The following GPC6 variants were observed in gnomAD, a reference collection of about 807,000 sequenced individuals.
GPC6 encodes glypican-6.
In GPC6, 14 loss-of-function variants were observed where a neutral mutation model predicts 55.2. That is an observed-to-expected ratio of 0.25 (90% CI 0.17 to 0.40). GPC6 has a LOEUF of 0.40. Among genes scored for constraint, GPC6 ranks in the 10% least tolerant of loss-of-function variants. The pLI, the probability that GPC6 is intolerant of heterozygous loss-of-function variation, is 1.00. For synonymous variants in GPC6, 278 were observed against 259.6 expected, an observed-to-expected ratio of 1.07 and a Z score of -0.68; for missense variants, 641 against 708.5, an observed-to-expected ratio of 0.90 and a Z score of 1.08.
At chr13:93,977,335 T>C (rs1880563687) in intron 3 of GPC6, among the ~76,000 whole-genome samples, 1 of 152,208 alleles carries the variant, frequency 6.6e-6, no homozygotes. Context: ...ATGGGTTTCA[T>C]TGCCAGATTA....
At chr13:94,118,864 C>T (rs1443161232) in intron 4 of GPC6, among the ~76,000 whole-genome samples, 1 of 152,040 alleles carries the variant, frequency 6.6e-6, no homozygotes, top group Non-Finnish European at 1.5e-5. Context: ...CTGTGCTTTA[C>T]TTCTGCTTCA....
chr13:93,488,239 G>A (rs572581014), intron 1 of GPC6, among the ~76,000 whole-genome samples: 3 of 151,998 alleles, frequency 2.0e-5, no homozygotes, highest in African/African-American at 4.8e-5. Flanking sequence ...TTGTCCTTGC[G>A]ATAGTTTGCT....
intron 4 of GPC6, among the ~76,000 whole-genome samples, chr13:94,199,183 C>T (rs1034137609): frequency 1.5e-4 from 23 of 152,182 alleles, no homozygotes; most frequent in African/African-American, 5.3e-4. Flanking sequence ...TTTACTAGGC[C>T]TAATATCCTA....
At chr13:93,729,654 T>C (rs183614409) in intron 2 of GPC6, among the ~76,000 whole-genome samples, 3 of 152,246 alleles carry the variant, frequency 2.0e-5, no homozygotes, top group African/African-American at 7.2e-5. Context: ...TGGGAAACTA[T>C]TGGACAGGAT....
At chr13:93,901,499 A>G (rs551701481) in intron 3 of GPC6, among the ~76,000 whole-genome samples, 4 of 152,306 alleles carry the variant, frequency 2.6e-5, no homozygotes, top group Admixed American at 2.6e-4. Context: ...CAGTATTTTT[A>G]ATACTGATTT....
At chr13:94,233,144 A>G (rs1420726209) in intron 4 of GPC6, among the ~76,000 whole-genome samples, 1 of 151,978 alleles carries the variant, frequency 6.6e-6, no homozygotes, top group African/African-American at 2.4e-5. Flanking sequence ...AAAAACTTGT[A>G]GGGAAACAAA....
chr13:93,762,427 C>T (rs534071301), intron 2 of GPC6, among the ~76,000 whole-genome samples: 1 of 152,248 alleles, frequency 6.6e-6, no homozygotes, highest in African/African-American at 2.4e-5. Context: ...TTATATGAAT[C>T]AATAAATGCT....
At chr13:94,272,474 T>C (rs1367986539) in intron 4 of GPC6, among the ~76,000 whole-genome samples, 35 of 135,948 alleles carry the variant, frequency 2.6e-4, no homozygotes, top group African/African-American at 9.9e-4. Context: ...TTTTTTTTTT[T>C]TTTTTTTTTT....
At chr13:94,202,653 T>C (rs1889789796) in intron 4 of GPC6, among the ~76,000 whole-genome samples, 1 of 152,094 alleles carries the variant, frequency 6.6e-6, no homozygotes, top group African/African-American at 2.4e-5. Context: ...CTGAACCATA[T>C]CAGTGCAAGA....
intron 1 of GPC6, among the ~76,000 whole-genome samples, chr13:93,237,944 T>G (rs1378761357): frequency 6.6e-6 from 1 of 152,224 alleles, no homozygotes; most frequent in African/African-American, 2.4e-5. Context: ...TTTACACTAT[T>G]ACCATGCTAT....
intron 4 of GPC6, among the ~76,000 whole-genome samples, chr13:94,142,561 T>C (rs1461241611): frequency 6.6e-6 from 1 of 152,180 alleles, no homozygotes; most frequent in Non-Finnish European, 1.5e-5. Flanking sequence ...ACCCAACTTA[T>C]ATTTAAATGG....
intron 1 of GPC6, among the ~76,000 whole-genome samples, chr13:93,394,353 AC>A (rs992438948): frequency 9.2e-5 from 14 of 152,286 alleles, no homozygotes; most frequent in Middle Eastern, 3.4e-3. Flanking sequence ...AGAACCCCAC[AC>A]ATATTATAGT....
At chr13:93,772,718 T>A (rs1885341920) in intron 2 of GPC6, among the ~76,000 whole-genome samples, 1 of 152,002 alleles carries the variant, frequency 6.6e-6, no homozygotes, top group African/African-American at 2.4e-5. Context: ...GTAATGAAAT[T>A]CAGAATGTTG....
intron 2 of GPC6, among the ~76,000 whole-genome samples, chr13:93,785,070 T>A (rs1301629992): frequency 6.6e-6 from 1 of 152,092 alleles, no homozygotes; most frequent in African/African-American, 2.4e-5. Context: ...ATTAACTAAG[T>A]CCCTTAACTA....
intron 1 of GPC6, among the ~76,000 whole-genome samples, chr13:93,239,472 T>C (rs4773723): frequency 0.57 from 86,152 of 151,330 alleles, 25,079 homozygotes; most frequent in African/African-American, 0.67. Context: ...TTCTGTGGTA[T>C]CAGTTGTAAT....
chr13:94,357,206 C>A (rs914554606), intron 6 of GPC6, among the ~76,000 whole-genome samples: 1 of 152,216 alleles, frequency 6.6e-6, no homozygotes, highest in African/African-American at 2.4e-5. Flanking sequence ...CCAACTCCTG[C>A]CTCTCCAACA....
intron 3 of GPC6, among the ~76,000 whole-genome samples, chr13:94,018,361 C>T (rs569818752): frequency 2.2e-4 from 33 of 151,940 alleles, no homozygotes; most frequent in African/African-American, 7.5e-4. Context: ...GCGATCTCCG[C>T]TCACTGCAAC....
intron 2 of GPC6, among the ~76,000 whole-genome samples, chr13:93,774,696 G>T (rs914086832): frequency 6.6e-6 from 1 of 152,130 alleles, no homozygotes; most frequent in African/African-American, 2.4e-5. Flanking sequence ...TGGTTCATCG[G>T]TAAGCATTTC....
chr13:93,239,671 C>A (rs1876362237), intron 1 of GPC6, among the ~76,000 whole-genome samples: 1 of 150,922 alleles, frequency 6.6e-6, no homozygotes, highest in South Asian at 2.1e-4. Context: ...TTTTCTGCTA[C>A]CTTTGGGTTT....
Sources: allele counts gnomAD v4.1 joint callset (sites outside exome capture counted in the v4.1 genomes callset), GRCh38; gene constraint gnomAD v4.1.1; transcripts MANE v1.5; gene names NCBI Gene and HGNC (gene_info 2026-07-23, HGNC 2026-07-21).